The following SUGCT variants were observed in gnomAD, a reference collection of about 807,000 sequenced individuals.
SUGCT encodes succinyl-CoA:glutarate-CoA transferase, also known as succinyl-CoA:glutarate CoA-transferase.
SUGCT carries 41 observed loss-of-function variants against 55.0 expected under a neutral mutation model. The observed-to-expected ratio is 0.74, with a 90% CI of 0.58 to 0.97. The LOEUF (loss-of-function observed/expected upper bound fraction) is 0.97. Ranked by LOEUF, SUGCT falls within the 50% of genes least tolerant of loss-of-function variation. The probability of loss-of-function intolerance (pLI) is 0.00; values close to 1 mark genes in which losing one functional copy is unlikely to be tolerated. For missense variants in SUGCT, 568 were observed against 547.8 expected (o/e 1.04, Z -0.37); for synonymous variants, 187 against 200.4 (o/e 0.93, Z 0.56).
chr7:40,402,789 T>C (rs1156249559), intron 9 of SUGCT, among the ~76,000 whole-genome samples: 5 of 152,188 alleles, frequency 3.3e-5, no homozygotes, highest in African/African-American at 1.2e-4. Flanking sequence ...GTAGGATTCA[T>C]CCTTTTTAGG....
At chr7:40,150,385 T>G (rs187726182) in intron 1 of SUGCT, among the ~76,000 whole-genome samples, 1,545 of 152,228 alleles carry the variant, frequency 0.01, 38 homozygotes, top group South Asian at 0.011. Flanking sequence ...CTCTGCTCGC[T>G]GGGCCGGGCA....
At chr7:40,259,358 T>C (rs1164505695) in intron 7 of SUGCT, among the ~76,000 whole-genome samples, 1 of 152,204 alleles carries the variant, frequency 6.6e-6, no homozygotes, top group Non-Finnish European at 1.5e-5. Flanking sequence ...GATACATATA[T>C]ACTGAGGGTC....
At chr7:40,656,802 A>T (rs1219480446) in intron 12 of SUGCT, among the ~76,000 whole-genome samples, 4 of 151,854 alleles carry the variant, frequency 2.6e-5, no homozygotes, top group African/African-American at 9.7e-5. Context: ...ATCCAACCCC[A>T]CTCTTTGGTG....
At chr7:40,187,326 C>T (rs1428354188) in intron 3 of SUGCT, among the ~76,000 whole-genome samples, 1 of 151,898 alleles carries the variant, frequency 6.6e-6, no homozygotes, top group Non-Finnish European at 1.5e-5. Flanking sequence ...AGGAGATATA[C>T]CTAATGTTAA....
intron 13 of SUGCT, among the ~76,000 whole-genome samples, chr7:40,767,638 T>A (rs1380850405): frequency 6.6e-6 from 1 of 152,086 alleles, no homozygotes; most frequent in Non-Finnish European, 1.5e-5. Flanking sequence ...CTGGTAAATA[T>A]GGTGTCAGAA....
chr7:40,491,694 A>G (rs1791692118), intron 11 of SUGCT, among the ~76,000 whole-genome samples: 1 of 152,084 alleles, frequency 6.6e-6, no homozygotes, highest in Non-Finnish European at 1.5e-5. Flanking sequence ...AGCAGTATTT[A>G]GAGAACCAAG....
At chr7:40,902,597 A>AG in the SUGCT span, among the ~76,000 whole-genome samples, 3 of 146,438 alleles carry the variant, frequency 2.0e-5, no homozygotes, top group Non-Finnish European at 3.0e-5. Flanking sequence ...AAAAAAAGAG[A>AG]AAAAAAAACC....
chr7:40,585,854 A>G (rs558619472), intron 12 of SUGCT, among the ~76,000 whole-genome samples: 1 of 151,660 alleles, frequency 6.6e-6, no homozygotes, highest in South Asian at 2.1e-4. Flanking sequence ...TGATTTTTGT[A>G]TTTTTTGTAG....
chr7:40,195,107 T>A, intron 6 of SUGCT, 47 bp downstream of exon 6: 1 of 1,536,988 alleles, frequency 6.5e-7, no homozygotes, highest in African/African-American at 1.4e-5. Context: ...TTCCAGTTTC[T>A]GTGTTTTCTT....
At chr7:40,249,329 A>ATATATATC (rs1562612104) in intron 7 of SUGCT, among the ~76,000 whole-genome samples, 12 of 118,598 alleles carry the variant, frequency 1.0e-4, no homozygotes, top group Non-Finnish European at 1.9e-4. Context: ...ATATATATAT[A>ATATATATC]TATATATATA....
chr7:40,446,873 A>G (rs1788867859), intron 9 of SUGCT, among the ~76,000 whole-genome samples: 1 of 152,230 alleles, frequency 6.6e-6, no homozygotes, highest in Non-Finnish European at 1.5e-5. Context: ...AGTAGCCACT[A>G]GCCACACGTG....
intron 6 of SUGCT, among the ~76,000 whole-genome samples, chr7:40,235,349 A>G (rs1010761236): frequency 6.6e-5 from 10 of 151,982 alleles, no homozygotes; most frequent in African/African-American, 2.4e-4. Flanking sequence ...ATTTTTTGAG[A>G]CAGACTCTCA....
At chr7:41,003,300 C>T in the SUGCT span, among the ~76,000 whole-genome samples, 3 of 151,912 alleles carry the variant, frequency 2.0e-5, no homozygotes, top group African/African-American at 7.3e-5. Flanking sequence ...TACAGGTGGG[C>T]GAGCAGAAGC....
intron 12 of SUGCT, among the ~76,000 whole-genome samples, chr7:40,738,680 A>C (rs576986394): frequency 2.6e-5 from 4 of 152,362 alleles, no homozygotes; most frequent in Admixed American, 2.6e-4. Flanking sequence ...AAACAATTTT[A>C]AGACAATACA....
chr7:40,233,336 C>T (rs1477977193), intron 6 of SUGCT, among the ~76,000 whole-genome samples: 7 of 152,118 alleles, frequency 4.6e-5, no homozygotes, highest in Non-Finnish European at 1.0e-4. Flanking sequence ...TCTCCTGCCT[C>T]AGCCTCCCAA....
intron 12 of SUGCT, among the ~76,000 whole-genome samples, chr7:40,601,738 CTT>C (rs753210004): frequency 7.0e-6 from 1 of 143,198 alleles, no homozygotes; most frequent in Non-Finnish European, 1.5e-5. Flanking sequence ...AATGTGAGGA[CTT>C]TTTTTTTTTT....
At chr7:40,934,193 C>G in the SUGCT span, among the ~76,000 whole-genome samples, 1 of 152,174 alleles carries the variant, frequency 6.6e-6, no homozygotes, top group Admixed American at 6.5e-5. Context: ...ACAGTCAGGT[C>G]CCTCAGCTGC....
intron 6 of SUGCT, among the ~76,000 whole-genome samples, chr7:40,236,370 G>C (rs528861757): frequency 1.0e-4 from 14 of 138,482 alleles, no homozygotes; most frequent in African/African-American, 3.6e-4. Context: ...CTTTTATGAT[G>C]TAGCAATAAG....
rs188451468 is a variant in SUGCT at position 40,557,242 on chromosome 7, A to T, written c.1089+60856A>T. Among the ~76,000 whole-genome samples, 13 of 152,334 alleles carry T rather than the reference A, an allele frequency of 8.5e-5. No homozygotes were observed. The East Asian group carries it at 2.5e-3, about 29-fold the overall frequency. ...TAGGTGCCAAGACTATTCAATGAGG[A>T]AAGGAAACTCTTTTTCCCAAAAGTG... On this transcript the variant is annotated intron_variant, in intron 12 of 13. Transcript: ENST00000335693.
Sources: allele counts gnomAD v4.1 joint callset (sites outside exome capture counted in the v4.1 genomes callset), GRCh38; gene constraint gnomAD v4.1.1; transcripts MANE v1.5; gene names NCBI Gene and HGNC (gene_info 2026-07-23, HGNC 2026-07-21).